The following SLC2A9 variants were observed in gnomAD, a reference collection of about 807,000 sequenced individuals.
The protein encoded by SLC2A9 is solute carrier family 2 member 9.
Under a neutral mutation model 50.6 loss-of-function variants are expected in SLC2A9, and 39 were observed. The observed-to-expected ratio is 0.77, with a 90% CI of 0.60 to 1.01. The LOEUF is 1.01. SLC2A9 is among the 50% of genes least tolerant of loss of function. SLC2A9 has a pLI of 0.00. For synonymous variants in SLC2A9, 324 were observed against 276.9 expected (o/e 1.17, Z -1.69); for missense variants, 686 against 677.6 (o/e 1.01, Z -0.14).
chr4:10,003,173 C>T (rs10018663), intron 2 of SLC2A9, among the ~76,000 whole-genome samples: 119,517 of 151,918 alleles, frequency 0.79, 47,264 homozygotes, highest in Non-Finnish European at 0.83. Context: ...TGCAAGGTCA[C>T]TCTTGCACGT....
At chr4:9,782,631 C>T (rs1718618947) in intron 3 of SLC2A9, 3 of 1,614,006 alleles carry the variant, frequency 1.9e-6, no homozygotes, top group African/African-American at 1.3e-5. Flanking sequence ...GCCAACTGGA[C>T]GCCCTGGGAG....
At chr4:10,019,162 G>C in intron 1 of SLC2A9, 89 bp from the exon 2 acceptor site, 1 of 1,070,986 alleles carries the variant, frequency 9.3e-7, no homozygotes, top group Non-Finnish European at 1.4e-6. Flanking sequence ...AGCTGGGGGA[G>C]GCCTTCCGGA....
At chr4:9,800,584 T>C (rs1442234604) in intron 3 of SLC2A9, among the ~76,000 whole-genome samples, 1 of 152,198 alleles carries the variant, frequency 6.6e-6, no homozygotes, top group African/African-American at 2.4e-5. Context: ...TGTTGTTTAA[T>C]CCATACACTT....
chr4:9,805,710 C>CA (rs1295930891), intron 3 of SLC2A9, among the ~76,000 whole-genome samples: 295 of 116,604 alleles, frequency 2.5e-3, no homozygotes, highest in Middle Eastern at 9.6e-3. Flanking sequence ...TTTTTTGTCT[C>CA]AAAAAAAAAA....
At chr4:9,955,013 C>T (rs1266025749) in intron 5 of SLC2A9, among the ~76,000 whole-genome samples, 2 of 152,106 alleles carry the variant, frequency 1.3e-5, no homozygotes, top group Non-Finnish European at 2.9e-5. Flanking sequence ...TGGTATATGG[C>T]CTTCCTCTGG....
intron 10 of SLC2A9, among the ~76,000 whole-genome samples, chr4:9,849,202 G>A (rs1457995979): frequency 6.6e-6 from 1 of 152,142 alleles, no homozygotes; most frequent in African/African-American, 2.4e-5. Context: ...GGTTTTAGGA[G>A]GAGAAAGACA....
chr4:9,927,903 T>C (rs1178321294), intron 6 of SLC2A9, among the ~76,000 whole-genome samples: 3 of 152,228 alleles, frequency 2.0e-5, no homozygotes, highest in Non-Finnish European at 4.4e-5. Context: ...ATTTACCAGT[T>C]AGCAGATTTG....
chr4:9,924,122 A>C (rs1349420944), intron 6 of SLC2A9: 1 of 152,254 alleles, frequency 6.6e-6, no homozygotes, highest in East Asian at 1.9e-4. Context: ...TGATTAAAAA[A>C]AGAAAAACAA....
At chr4:9,813,050 T>TTTTC (rs938410653) in intron 3 of SLC2A9, among the ~76,000 whole-genome samples, 4 of 152,312 alleles carry the variant, frequency 2.6e-5, no homozygotes, top group African/African-American at 9.6e-5. Flanking sequence ...GAATGTTTAG[T>TTTTC]GAAAGCAAAA....
intron 1 of SLC2A9, among the ~76,000 whole-genome samples, chr4:10,039,687 G>T (rs1764218113): frequency 6.6e-6 from 1 of 152,092 alleles, no homozygotes. Context: ...GTCTTCTCCA[G>T]CAGGCTGGAC....
At chr4:10,014,230 T>C (rs1200469517) in intron 2 of SLC2A9, among the ~76,000 whole-genome samples, 1 of 152,078 alleles carries the variant, frequency 6.6e-6, no homozygotes, top group East Asian at 1.9e-4. Context: ...GAATTCGAGG[T>C]GATCGCTGGA....
At chr4:9,954,936 A>C (rs1578066177) in intron 5 of SLC2A9, among the ~76,000 whole-genome samples, 1 of 152,180 alleles carries the variant, frequency 6.6e-6, no homozygotes, top group African/African-American at 2.4e-5. Context: ...GCTTCCCGAC[A>C]AGATCTCAGG....
chr4:9,851,415 A>T (rs1311244248), intron 10 of SLC2A9, among the ~76,000 whole-genome samples: 1 of 152,206 alleles, frequency 6.6e-6, no homozygotes, highest in Non-Finnish European at 1.5e-5. Flanking sequence ...TAAAAGCAAA[A>T]AACCCTATCT....
intron 10 of SLC2A9, among the ~76,000 whole-genome samples, chr4:9,885,761 C>A (rs528871972): frequency 1.9e-3 from 295 of 152,334 alleles, no homozygotes; most frequent in Non-Finnish European, 3.2e-3. Context: ...AGCACACAGG[C>A]CGCATGCAGC....
intron 2 of SLC2A9, among the ~76,000 whole-genome samples, chr4:10,004,872 T>G (rs2109364062): frequency 6.6e-6 from 1 of 152,344 alleles, no homozygotes; most frequent in East Asian, 1.9e-4. Context: ...AAGAAAACAA[T>G]CTGCAATAAA....
chr4:9,782,586 C>T lies in SLC2A9; in HGVS notation n.386-2521G>A, dbSNP rs1030113370. 18 of 1,613,846 alleles carry T rather than the reference C, an allele frequency of 1.1e-5. No individual in the cohort carries two copies. In the African/African-American group the frequency reaches 1.9e-4, roughly 17 times the overall value. ...CTCAACTGGCACAGGGACCAGGCGG[C>T]CTCTTGGGGCGGGCTGGACCTGCCA... On this transcript the variant is annotated intron_variant and non_coding_transcript_variant, in intron 3 of 3. Coordinates refer to the SLC2A9 transcript ENST00000503803.
intron 3 of SLC2A9, among the ~76,000 whole-genome samples, chr4:9,819,200 A>C (rs1255100431): frequency 6.6e-6 from 1 of 151,882 alleles, no homozygotes; most frequent in African/African-American, 2.4e-5. Context: ...AATATGGCTA[A>C]GATGTTTTCT....
intron 1 of SLC2A9, among the ~76,000 whole-genome samples, chr4:10,027,010 C>T (rs1259460461): frequency 6.6e-6 from 1 of 151,948 alleles, no homozygotes; most frequent in Admixed American, 6.6e-5. Context: ...CGCCACTGCA[C>T]TCCAGCCTGG....
chr4:9,976,308 C>T (rs1400919846), intron 5 of SLC2A9, among the ~76,000 whole-genome samples: 1 of 152,152 alleles, frequency 6.6e-6, no homozygotes, highest in African/African-American at 2.4e-5. Flanking sequence ...CCTCCTTCAC[C>T]CTCTGTGTTT....
Sources: allele counts gnomAD v4.1 joint callset (sites outside exome capture counted in the v4.1 genomes callset), GRCh38; gene constraint gnomAD v4.1.1; transcripts MANE v1.5; gene names NCBI Gene and HGNC (gene_info 2026-07-23, HGNC 2026-07-21).